NDC1: variants seen among roughly 807,000 people sequenced by gnomAD.
NDC1 encodes NDC1 transmembrane nucleoporin.
Under a neutral mutation model 89.8 loss-of-function variants are expected in NDC1, and 24 were observed. The ratio of observed to expected loss-of-function variants is 0.27; its 90% confidence interval spans 0.19 to 0.38. The LOEUF (loss-of-function observed/expected upper bound fraction) is 0.38. Among genes scored for constraint, NDC1 ranks in the 10% least tolerant of loss-of-function variants. NDC1 has a pLI of 1.00. For synonymous variants in NDC1, 296 were observed against 284.8 expected, an observed-to-expected ratio of 1.04 and a Z score of -0.39; for missense variants, 728 against 797.6, an observed-to-expected ratio of 0.91 and a Z score of 1.05.
At chr1:53,784,461 A>G (rs1365620532) in intron 16 of NDC1, among the ~76,000 whole-genome samples, 1 of 152,056 alleles carries the variant, frequency 6.6e-6, no homozygotes, top group African/African-American at 2.4e-5. Context: ...GTTTGAGACC[A>G]GCTTGGCCAA....
intron 7 of NDC1, among the ~76,000 whole-genome samples, chr1:53,809,408 G>A (rs1325135871): frequency 6.6e-6 from 1 of 152,122 alleles, no homozygotes; most frequent in Non-Finnish European, 1.5e-5. Context: ...CTGGAGTGCA[G>A]TGGCACAATT....
intron 2 of NDC1, among the ~76,000 whole-genome samples, chr1:53,834,629 G>T (rs1181203): frequency 0.013 from 2,046 of 152,218 alleles, 48 homozygotes; most frequent in African/African-American, 0.047. Flanking sequence ...TATTTAACCT[G>T]AATCTCAGTT....
At position 53,828,186 on chromosome 1, in the gene NDC1, C is replaced by T; in HGVS notation, c.281-13G>A. On this transcript the variant is annotated splice_polypyrimidine_tract_variant and intron_variant, in intron 3 of 17. Transcript: ENST00000371429. ...ATAGAAGGCACAACTGCAAAGGAAA[C>T]ACATTACTGTGGCTTTATAACCTAC... 1 of 1,612,630 alleles carries T rather than the reference C, an allele frequency of 6.2e-7. No individual in the cohort carries two copies. Among genetic ancestry groups the T allele is most frequent in the Non-Finnish European group, 8.5e-7 (1 of 1,178,970 alleles).
chr1:53,787,196 G>C lies in NDC1; in HGVS notation c.1762C>G (p.Leu588Val). ...AACAAAGTATTAAGGATAGCTGGTAGTGTCGTCTGGACAACTCCAAATCTA... is the reference window on the plus strand; with the variant it reads ...AACAAAGTATTAAGGATAGCTGGTACTGTCGTCTGGACAACTCCAAATCTA... ...EDRFGVVQTT[L>V]PAILNTLLTL... The change falls in exon 16 of 18, where the codon CTA becomes GTA. Residue 588 changes from leucine to valine, a missense_variant. Physicochemically the swap from Leu to Val is conservative, Grantham distance 32 (BLOSUM62 1). Transcript: ENST00000371429. 6.2e-7 allele frequency: 1 copy of C among 1,610,866 alleles called. No homozygotes were observed. The highest frequency in any genetic ancestry group is 8.5e-7 in the Non-Finnish European group (1 of 1,178,586).
chr1:53,785,118 C>T (rs1049057940), intron 16 of NDC1, among the ~76,000 whole-genome samples: 1 of 152,156 alleles, frequency 6.6e-6, no homozygotes, highest in Non-Finnish European at 1.5e-5. Flanking sequence ...CTAAGCCTCC[C>T]TCATCTATTA....
chr1:53,777,646 C>T (rs944559421), intron 16 of NDC1, among the ~76,000 whole-genome samples: 3 of 152,180 alleles, frequency 2.0e-5, no homozygotes, highest in Non-Finnish European at 4.4e-5. Flanking sequence ...AAATCATTGA[C>T]TTTTCTCACT....
chr1:53,768,135 G>T (rs1201152871), intron 17 of NDC1, 102 bp from the exon 18 acceptor site: 5 of 653,036 alleles, frequency 7.7e-6, no homozygotes, highest in South Asian at 3.1e-5. Context: ...AATTAAAAAT[G>T]AATAGAAATC....
chr1:53,808,457 G>A (rs555689692), intron 7 of NDC1, among the ~76,000 whole-genome samples: 1 of 152,250 alleles, frequency 6.6e-6, no homozygotes, highest in South Asian at 2.1e-4. Flanking sequence ...TATAAGAGTG[G>A]CATAATATGT....
intron 16 of NDC1, among the ~76,000 whole-genome samples, chr1:53,773,832 G>A (rs998309666): frequency 2.0e-5 from 3 of 152,090 alleles, no homozygotes; most frequent in Non-Finnish European, 4.4e-5. Flanking sequence ...CCCCAGACTG[G>A]GTGTTCTACT....
intron 11 of NDC1, among the ~76,000 whole-genome samples, chr1:53,798,276 TCTC>T (rs1247801455): frequency 1.3e-5 from 2 of 150,150 alleles, no homozygotes; most frequent in East Asian, 2.0e-4. Flanking sequence ...TCAAGTGAAA[TCTC>T]CTGCCTCAGC....
At chr1:53,796,643 C>A in intron 13 of NDC1, 46 bp downstream of exon 13, 2 of 1,155,336 alleles carry the variant, frequency 1.7e-6, no homozygotes, top group Non-Finnish European at 2.4e-6. Flanking sequence ...CCTTAATGTT[C>A]TCAATTTTAC....
At chr1:53,813,096 T>C (rs1416382191) in intron 6 of NDC1, among the ~76,000 whole-genome samples, 1 of 152,190 alleles carries the variant, frequency 6.6e-6, no homozygotes, top group Non-Finnish European at 1.5e-5. Flanking sequence ...TTACAAGAAC[T>C]GCTAAAAGGA....
At position 53,796,683 on chromosome 1, in the gene NDC1, T is replaced by C. The variant is rs1647714377; in HGVS notation, c.1584+6A>G. 1 of 1,556,258 alleles carries C rather than the reference T, an allele frequency of 6.4e-7. No individual in the cohort carries two copies. Among genetic ancestry groups the C allele is most frequent in the East Asian group, 2.3e-5 (1 of 44,400 alleles). ...AAATATAAATCCTATAACCATATCA[T>C]CCTACCTGTTCACGTTTATTCTGAA... On this transcript the variant is annotated splice_donor_region_variant and intron_variant, in intron 13 of 17. Coordinates refer to ENST00000371429, the MANE Select transcript of NDC1 (RefSeq NM_018087.5).
At chr1:53,816,648 A>AAC (rs1553149895) in intron 6 of NDC1, among the ~76,000 whole-genome samples, 98 of 149,328 alleles carry the variant, frequency 6.6e-4, no homozygotes, top group Middle Eastern at 6.8e-3. Flanking sequence ...CAAAAAACAA[A>AAC]AAAAAAAAAA....
In NDC1 at chr1:53,781,651, G is replaced by A. The variant is rs187391331; in HGVS notation, c.1800+5507C>T. ...AACAGTTCCACACAATTGTTCCTTAGTAACACCCAGAAGCCAGTAATGTAC... is the reference window on the plus strand; with the variant it reads ...AACAGTTCCACACAATTGTTCCTTAATAACACCCAGAAGCCAGTAATGTAC... On this transcript the variant is annotated intron_variant, in intron 16 of 17. Transcript: ENST00000371429. Among the ~76,000 whole-genome samples, 37 of 152,294 alleles carry A rather than the reference G, an allele frequency of 2.4e-4. 1 individual carries two copies. The East Asian group carries it at 7.1e-3, about 29-fold the overall frequency.
At chr1:53,795,833 A>G (rs901464907) in intron 13 of NDC1, among the ~76,000 whole-genome samples, 2 of 152,194 alleles carry the variant, frequency 1.3e-5, no homozygotes, top group Non-Finnish European at 2.9e-5. Context: ...AAGTTACATC[A>G]TATCATTCTT....
chr1:53,784,884 G>C (rs541299691), intron 16 of NDC1, among the ~76,000 whole-genome samples: 67 of 152,112 alleles, frequency 4.4e-4, no homozygotes, highest in African/African-American at 1.5e-3. Flanking sequence ...CTTGACACCA[G>C]GATACGGAGC....
At chr1:53,825,460 A>AAAAAAAAAAAAAG (rs1039370528) in intron 5 of NDC1, among the ~76,000 whole-genome samples, 23 of 142,126 alleles carry the variant, frequency 1.6e-4, no homozygotes, top group African/African-American at 2.8e-4. Flanking sequence ...CTCCAAAAAA[A>AAAAAAAAAAAAAG]AAGAAGCTAC....
At chr1:53,838,157 G>A in intron 1 of NDC1, 48 bp downstream of exon 1, 3 of 1,482,470 alleles carry the variant, frequency 2.0e-6, no homozygotes, top group South Asian at 1.2e-5. Context: ...GAGCTTGCCC[G>A]CCCGGCCCGA....
Sources: allele counts gnomAD v4.1 joint callset (sites outside exome capture counted in the v4.1 genomes callset), GRCh38; gene constraint gnomAD v4.1.1; transcripts MANE v1.5; gene names NCBI Gene and HGNC (gene_info 2026-07-23, HGNC 2026-07-21).